TOP1: variants seen among roughly 807,000 people sequenced by gnomAD.
TOP1 encodes the protein DNA topoisomerase 1.
In TOP1, 10 loss-of-function variants were observed where a neutral mutation model predicts 111.1. The observed-to-expected ratio is 0.09, with a 90% CI of 0.06 to 0.15. The LOEUF (loss-of-function observed/expected upper bound fraction) is 0.15. Among genes scored for constraint, TOP1 ranks in the 10% least tolerant of loss-of-function variants. TOP1 has a pLI of 1.00. For synonymous variants in TOP1, 271 were observed against 302.9 expected (o/e 0.89, Z 1.10); for missense variants, 474 against 926.7 (o/e 0.51, Z 6.34).
At position 41,069,467 on chromosome 20, in the gene TOP1, T is replaced by C. The variant is rs533709987; in HGVS notation, c.156-6704T>C. On this transcript the variant is annotated intron_variant, in intron 3 of 20. Transcript: ENST00000361337. This position sits in a 1 kb window ranked among gnomAD's most constrained non-coding sequence, Gnocchi z 4.1. ...TAAGATAAAAGTTAAGAGGCTGGGT[T>C]CTGTCATTTATAAGCTACGTGTCGT... 3.3e-5 allele frequency among the ~76,000 whole-genome samples: 5 copies of C among 152,250 alleles called. No homozygotes were observed. Among genetic ancestry groups the C allele is most frequent in the Non-Finnish European group, 7.3e-5 (5 of 68,046 alleles).
intron 2 of TOP1, among the ~76,000 whole-genome samples, chr20:41,047,113 G>A (rs778520283): frequency 6.6e-6 from 1 of 152,220 alleles, no homozygotes; most frequent in Non-Finnish European, 1.5e-5. Flanking sequence ...CTTTCTACAG[G>A]AGACATTGCG....
chr20:41,072,152 A>C, intron 3 of TOP1: 1 of 797,334 alleles, frequency 1.3e-6, no homozygotes, highest in East Asian at 1.3e-4. Flanking sequence ...AAGTTTCTTC[A>C]GTAATTAATC....
At chr20:41,075,234 C>G (rs1173686538) in intron 3 of TOP1, among the ~76,000 whole-genome samples, 1 of 152,178 alleles carries the variant, frequency 6.6e-6, no homozygotes, top group East Asian at 1.9e-4. Flanking sequence ...TGCAGTGGCA[C>G]TATCTCGGCT....
rs370613944 is a variant in TOP1, at chr20:41,044,309, C to T, written c.58+14854C>T. ...GAAAAAAAGAAATGCAATTGCCCAT[C>T]TTAAGGGTCTTGTACTAGTTAATTA... On this transcript the variant is annotated intron_variant, in intron 2 of 20. Coordinates refer to ENST00000361337, the MANE Select transcript of TOP1 (RefSeq NM_003286.4). Among the ~76,000 whole-genome samples, 21 of 152,266 alleles carry T rather than the reference C, an allele frequency of 1.4e-4. 1 individual carries two copies. The East Asian group carries it at 4.0e-3, about 29-fold the overall frequency.
Position 41,101,048 on chromosome 20 carries a change from CTGAGGG to C in TOP1, c.1164-159_1164-154del. ...TTGAATATTTTCGGATGACAGTTGG[CTGAGGG>C]TAAGTAAAACCATGCATAAGGTGGG... On this transcript the variant is annotated intron_variant, in intron 12 of 20. Coordinates refer to ENST00000361337, the MANE Select transcript of TOP1 (RefSeq NM_003286.4). This position sits in a 1 kb window ranked among gnomAD's most constrained non-coding sequence, Gnocchi z 4.1. 1.6e-6 allele frequency: 1 copy of C among 643,804 alleles called. No homozygotes were observed. The highest frequency in any genetic ancestry group is 2.7e-6 in the Non-Finnish European group (1 of 375,896). The allele number at this position is 643,804 out of a possible 1,614,324, so 39.9% of individuals were successfully genotyped here.
In TOP1 at chr20:41,121,122, G is replaced by A. The variant is rs1431072913; in HGVS notation, c.1951-574G>A. Among the ~76,000 whole-genome samples, 3 of 152,156 alleles carry A rather than the reference G, an allele frequency of 2.0e-5. No homozygotes were observed. The highest frequency in any genetic ancestry group is 4.4e-5 in the Non-Finnish European group (3 of 68,036). On this transcript the variant is annotated intron_variant, in intron 18 of 20. Coordinates refer to ENST00000361337, the MANE Select transcript of TOP1 (RefSeq NM_003286.4). The surrounding 1 kb of genome is among the most constrained non-coding windows in gnomAD (Gnocchi z 4.2). ...TGGGACAGACTGGCTGAGCTGTTTG[G>A]CTTCCTGGGTGTCTTTTAATTGCCA...
At position 41,097,449 on chromosome 20, in the gene TOP1, T is replaced by C. The variant is rs1373568261; in HGVS notation, c.852+108T>C. ...TTCCTGATGTAAAATTTGAGTTGTA[T>C]GGATTTTGTTGTATTTAAACTTGCG... On this transcript the variant is annotated intron_variant, in intron 10 of 20. Coordinates refer to ENST00000361337, the MANE Select transcript of TOP1 (RefSeq NM_003286.4). This position sits in a 1 kb window ranked among gnomAD's most constrained non-coding sequence, Gnocchi z 4.2. The C allele has an allele frequency of 8.6e-7, 1 of 1,156,326 alleles. No individual in the cohort carries two copies. The highest frequency in any genetic ancestry group is 1.2e-6 in the Non-Finnish European group (1 of 826,132). 71.6% of individuals were successfully genotyped at this position (1,156,326 alleles called of 1,614,324 possible).
chr20:41,115,533 C>G lies in TOP1; in HGVS notation c.1707+94C>G. ...GTTGCTGGCAGATGACTTGGGCTCTCCCTTTAGCCTGGCCTGCTCTGTGGC... is the reference window on the plus strand; with the variant it reads ...GTTGCTGGCAGATGACTTGGGCTCTGCCTTTAGCCTGGCCTGCTCTGTGGC... On this transcript the variant is annotated intron_variant, in intron 16 of 20. Coordinates refer to ENST00000361337, the MANE Select transcript of TOP1 (RefSeq NM_003286.4). The surrounding 1 kb of genome is among the most constrained non-coding windows in gnomAD (Gnocchi z 6.3). The G allele has an allele frequency of 2.2e-6, 2 of 922,114 alleles. No homozygotes were observed. 57.1% of individuals were successfully genotyped at this position (922,114 alleles called of 1,614,324 possible).
In TOP1 at chr20:41,028,872, C is replaced by T. The variant is rs1362146811; in HGVS notation, c.-196C>T. The T allele has an allele frequency of 3.2e-5, 18 of 561,150 alleles. No homozygotes were observed. Among genetic ancestry groups the T allele is most frequent in the Non-Finnish European group, 5.3e-5 (17 of 319,150 alleles). The allele number at this position is 561,150 out of a possible 1,614,324, so 34.8% of individuals were successfully genotyped here. A position where few individuals can be genotyped will look rare whatever the true frequency, so the allele number is the denominator to read the frequency against. Reference sequence around the variant, plus strand: ...AACTGCTGGGGTCTGTTCTCGCCGCCCGCCCGGCAGTCAGGCAGCGTCGCC... The same window carrying T: ...AACTGCTGGGGTCTGTTCTCGCCGCTCGCCCGGCAGTCAGGCAGCGTCGCC... On this transcript the variant is annotated 5_prime_UTR_variant, in exon 1 of 21. Coordinates refer to ENST00000361337, the MANE Select transcript of TOP1 (RefSeq NM_003286.4).
At position 41,078,004 on chromosome 20, in the gene TOP1, A is replaced by G. The variant is rs371662233; in HGVS notation, c.335+367A>G. On this transcript the variant is annotated intron_variant, in intron 5 of 20. Transcript: ENST00000361337. The surrounding 1 kb of genome is among the most constrained non-coding windows in gnomAD (Gnocchi z 5.3). ...CACAAGGTATTGCAGCCTCTTCACTAATTCCAGAACATTTTCATTTCTCTA... is the reference window on the plus strand; with the variant it reads ...CACAAGGTATTGCAGCCTCTTCACTGATTCCAGAACATTTTCATTTCTCTA... Among the ~76,000 whole-genome samples, 7 of 144,724 alleles carry G rather than the reference A, an allele frequency of 4.8e-5. No homozygotes were observed. The highest frequency in any genetic ancestry group is 1.8e-4 in the African/African-American group (7 of 38,586). The allele number at this position is 144,724 out of a possible 152,430, so 94.9% of individuals were successfully genotyped here.
chr20:41,041,380 G>T (rs1252810521), intron 2 of TOP1, among the ~76,000 whole-genome samples: 2 of 147,274 alleles, frequency 1.4e-5, no homozygotes, highest in African/African-American at 2.5e-5. Flanking sequence ...AGCCTAGGAG[G>T]TTGAGGCTGC....
rs1204503919 is a variant in TOP1 at position 41,082,104 on chromosome 20, G to A, written c.507+864G>A. On this transcript the variant is annotated intron_variant, in intron 7 of 20. Transcript: ENST00000361337. This position sits in a 1 kb window ranked among gnomAD's most constrained non-coding sequence, Gnocchi z 4.1. ...ATGCCCTCCCCTAAGACAAGAAGGG[G>A]TTGGGTGAGTTCTTAGCTCTTATGC... 1.3e-5 allele frequency among the ~76,000 whole-genome samples: 2 copies of A among 152,182 alleles called. No individual in the cohort carries two copies. The highest frequency in any genetic ancestry group is 2.1e-4 in the South Asian group (1 of 4,832).
chr20:41,072,595 C>G, intron 3 of TOP1: 1 of 985,412 alleles, frequency 1.0e-6, no homozygotes, highest in Non-Finnish European at 1.2e-6. Flanking sequence ...TTCCTTCAGG[C>G]ACATTCCTAG....
At position 41,118,572 on chromosome 20, in the gene TOP1, G is replaced by T. The variant is rs1360049007; in HGVS notation, c.1950+276G>T. On this transcript the variant is annotated intron_variant, in intron 18 of 20. Transcript: ENST00000361337. This position sits in a 1 kb window ranked among gnomAD's most constrained non-coding sequence, Gnocchi z 4.6. The stretch of plus-strand genomic sequence containing the variant: ...ACTAACTTTGGTGTACATTCTAATT[G>T]CTAATTACTGTCCTTATTGTACATG... Among the ~76,000 whole-genome samples the T allele has an allele frequency of 6.6e-6, 1 of 152,148 alleles. No homozygotes were observed. Among genetic ancestry groups the T allele is most frequent in the Non-Finnish European group, 1.5e-5 (1 of 68,030 alleles).
rs1008698962 is a variant in TOP1 at position 41,051,041 on chromosome 20, T to C, written c.59-10353T>C. Reference sequence around the variant, plus strand: ...TTCTTTAAATAATTTATTCACCCATTGTGTTCACTCAAGTGGTTCTAGTGT... The same window carrying C: ...TTCTTTAAATAATTTATTCACCCATCGTGTTCACTCAAGTGGTTCTAGTGT... On this transcript the variant is annotated intron_variant, in intron 2 of 20. Transcript: ENST00000361337. Among the ~76,000 whole-genome samples the C allele has an allele frequency of 6.6e-5, 10 of 152,346 alleles. No homozygotes were observed. In the East Asian group the frequency reaches 1.5e-3, roughly 23 times the overall value.
At chr20:41,044,012 C>T (rs1217913333) in intron 2 of TOP1, among the ~76,000 whole-genome samples, 3 of 152,162 alleles carry the variant, frequency 2.0e-5, no homozygotes, top group Non-Finnish European at 4.4e-5. Context: ...CGTGGTGGCT[C>T]ACGCCTGTAA....
At chr20:41,119,621 A>G (rs1195012894) in intron 18 of TOP1, among the ~76,000 whole-genome samples, 2 of 150,880 alleles carry the variant, frequency 1.3e-5, no homozygotes, top group Non-Finnish European at 3.0e-5. Flanking sequence ...ATTTGTTGAG[A>G]TTTCCTTAAG....
At chr20:41,073,210 A>G (rs926880442) in intron 3 of TOP1, 3 of 985,400 alleles carry the variant, frequency 3.0e-6, no homozygotes, top group Non-Finnish European at 3.6e-6. Context: ...GTGATTGCCA[A>G]AAGGCTCAGA....
Position 41,097,732 on chromosome 20 carries a change from A to G in TOP1, c.852+391A>G, listed in dbSNP as rs1469059219. On this transcript the variant is annotated intron_variant, in intron 10 of 20. Coordinates refer to ENST00000361337, the MANE Select transcript of TOP1 (RefSeq NM_003286.4). This position sits in a 1 kb window ranked among gnomAD's most constrained non-coding sequence, Gnocchi z 4.2. ...TGCTCATTTATTTTAGGTACTTTCT[A>G]CTCTTGAAACCACATATACTATATT... is the stretch of plus-strand genomic sequence containing the variant. Among the ~76,000 whole-genome samples, 4 of 152,008 alleles carry G rather than the reference A, an allele frequency of 2.6e-5. No homozygotes were observed. Among genetic ancestry groups the G allele is most frequent in the Admixed American group, 1.3e-4 (2 of 15,250 alleles).
Sources: allele counts gnomAD v4.1 joint callset (sites outside exome capture counted in the v4.1 genomes callset), GRCh38; gene constraint gnomAD v4.1.1; non-coding constraint Gnocchi (gnomAD v3.1); transcripts MANE v1.5; gene names NCBI Gene and HGNC (gene_info 2026-07-23, HGNC 2026-07-21).